Variants in NELFA observed in about 807,000 individuals in gnomAD.
NELFA encodes negative elongation factor A.
A neutral mutation model predicts 51.8 loss-of-function variants in NELFA; 35 were observed. The ratio of observed to expected loss-of-function variants is 0.68; its 90% confidence interval spans 0.52 to 0.90. NELFA has a LOEUF of 0.90. NELFA is among the 40% of genes least tolerant of loss of function. NELFA has a pLI of 0.00. For synonymous variants in NELFA, 417 were observed against 338.4 expected, an observed-to-expected ratio of 1.23 and a Z score of -2.55; for missense variants, 658 against 746.4, an observed-to-expected ratio of 0.88 and a Z score of 1.38.
chr4:2,006,446 T>C (rs1234406887), intron 1 of NELFA, among the ~76,000 whole-genome samples: 1 of 152,070 alleles, frequency 6.6e-6, no homozygotes, highest in East Asian at 1.9e-4. Flanking sequence ...ACCATCTATG[T>C]TAAAACTAGG....
At chr4:1,985,057 G>A (rs1344721921) in intron 7 of NELFA, 138 bp from the exon 8 acceptor site, 7 of 629,226 alleles carry the variant, frequency 1.1e-5, no homozygotes, top group Admixed American at 3.1e-5. Flanking sequence ...CCACTCTCCC[G>A]AGCTCCCTGG....
intron 8 of NELFA, 107 bp from the exon 9 acceptor site, chr4:1,984,220 CCT>C (rs1577609947): frequency 7.5e-7 from 1 of 1,331,946 alleles, no homozygotes; most frequent in East Asian, 2.6e-5. Flanking sequence ...GTCCTGCTAC[CCT>C]CTGACAAGAA....
In NELFA at chr4:2,000,845, A is replaced by G. The variant is rs867335832; in HGVS notation, c.210+7905T>C. Among the ~76,000 whole-genome samples, 27 of 152,352 alleles carry G rather than the reference A, an allele frequency of 1.8e-4. No individual in the cohort carries two copies. In the South Asian group the frequency reaches 3.9e-3, roughly 22 times the overall value. On this transcript the variant is annotated intron_variant, in intron 1 of 10. Coordinates refer to ENST00000382882, the MANE Select transcript of NELFA (RefSeq NM_005663.5). ...CAAAACTGGGAAGAGACAACAAAAA[A>G]GAAAACTTCAGGCCAACATCCCTGA...
At chr4:1,986,523 G>GGCGGGCA (rs756616777) in intron 4 of NELFA, 121 bp from the exon 5 acceptor site, 2 of 1,485,310 alleles carry the variant, frequency 1.3e-6, no homozygotes, top group Non-Finnish European at 1.8e-6. Flanking sequence ...CCAAACCCCT[G>GGCGGGCA]GCGGGCAGCG....
intron 1 of NELFA, among the ~76,000 whole-genome samples, chr4:1,995,209 T>C (rs899849401): frequency 2.0e-5 from 3 of 152,242 alleles, no homozygotes; most frequent in Non-Finnish European, 2.9e-5. Flanking sequence ...CTTCAGACTC[T>C]GGCTGAAACA....
intron 1 of NELFA, among the ~76,000 whole-genome samples, chr4:1,995,909 G>A (rs60227050): frequency 0.023 from 3,400 of 148,480 alleles, 126 homozygotes; most frequent in African/African-American, 0.08. Flanking sequence ...CAAGCTGCAC[G>A]TGCCTGTAGT....
chr4:1,983,281 A>AC lies in NELFA; in HGVS notation c.*37dup, dbSNP rs771213893. 8.2e-6 allele frequency: 13 copies of AC among 1,584,090 alleles called. No homozygotes were observed. In the Admixed American group the frequency reaches 1.2e-4, roughly 15 times the overall value. On this transcript the variant is annotated 3_prime_UTR_variant, in exon 11 of 11. Transcript: ENST00000382882. Reference sequence around the variant, plus strand: ...AGCTGGCAAAGCCATCGTCCCGTGGACCCCCACAAGTGACGGCCAGCTGTG... The same window carrying AC: ...AGCTGGCAAAGCCATCGTCCCGTGGACCCCCCACAAGTGACGGCCAGCTGTG...
chr4:1,988,763 ATCTT>A (rs1728187067), intron 3 of NELFA, among the ~76,000 whole-genome samples: 1 of 152,214 alleles, frequency 6.6e-6, no homozygotes, highest in South Asian at 2.1e-4. Flanking sequence ...ATGATTAAAT[ATCTT>A]TCAAGTGGAA....
At chr4:1,988,946 GT>G (rs35323893) in intron 3 of NELFA, among the ~76,000 whole-genome samples, 373 of 136,626 alleles carry the variant, frequency 2.7e-3, no homozygotes, top group Admixed American at 7.6e-3. Context: ...AAGTTGGTGG[GT>G]TTTTTTTTTT....
intron 5 of NELFA, 22 bp downstream of exon 5, chr4:1,986,250 A>T: frequency 6.4e-7 from 1 of 1,571,510 alleles, no homozygotes. Flanking sequence ...GGGGTGCCAC[A>T]GGAGCTGGGG....
chr4:2,002,584 C>A (rs1560884032), intron 1 of NELFA, among the ~76,000 whole-genome samples: 1 of 152,132 alleles, frequency 6.6e-6, no homozygotes, highest in Admixed American at 6.5e-5. Flanking sequence ...CACCACACAT[C>A]TACCAGCATC....
intron 7 of NELFA, among the ~76,000 whole-genome samples, chr4:1,985,572 G>A (rs369812418): frequency 6.6e-6 from 1 of 152,298 alleles, no homozygotes; most frequent in Non-Finnish European, 1.5e-5. Context: ...GCAGGTTCCC[G>A]CTCCAAGCCT....
chr4:1,988,126 T>C (rs1337414982), intron 3 of NELFA, 119 bp from the exon 4 acceptor site: 4 of 800,286 alleles, frequency 5.0e-6, no homozygotes, highest in Admixed American at 2.7e-5. Context: ...CTGCATTCTC[T>C]CTAAATGAGC....
chr4:1,995,959 G>A (rs924746136), intron 1 of NELFA, among the ~76,000 whole-genome samples: 17 of 151,340 alleles, frequency 1.1e-4, no homozygotes, highest in South Asian at 8.3e-4. Flanking sequence ...AGTCCAGCCC[G>A]GGCAACATAG....
At chr4:1,991,503 A>G (rs1210373424) in intron 2 of NELFA, 41 bp downstream of exon 2, 2 of 1,593,530 alleles carry the variant, frequency 1.3e-6, no homozygotes, top group Middle Eastern at 1.7e-4. Flanking sequence ...AGAAAGATCC[A>G]TTTCCCTCCA....
intron 1 of NELFA, chr4:2,008,089 G>A: frequency 2.2e-6 from 1 of 454,890 alleles, no homozygotes; most frequent in Non-Finnish European, 4.4e-6. Flanking sequence ...GCGGACACTG[G>A]AGCTACCGAG....
chr4:1,998,204 T>C (rs1322286964), intron 1 of NELFA, among the ~76,000 whole-genome samples: 2 of 151,392 alleles, frequency 1.3e-5, no homozygotes, highest in African/African-American at 4.9e-5. Flanking sequence ...AACGAAAAAA[T>C]GCTGAAAACC....
rs756547963 is a variant in NELFA at position 1,985,762 on chromosome 4, G to A, written c.924+14C>T. Reference sequence around the variant, plus strand: ...GCAGTGGTGCCAGACATGGGGTGCAGCCCCGAGCCCTACCTGCGTGGACAC... The same window carrying A: ...GCAGTGGTGCCAGACATGGGGTGCAACCCCGAGCCCTACCTGCGTGGACAC... On this transcript the variant is annotated intron_variant, in intron 7 of 10. Transcript: ENST00000382882. 7.4e-6 allele frequency: 12 copies of A among 1,610,772 alleles called. No homozygotes were observed. Among genetic ancestry groups the A allele is most frequent in the Admixed American group, 5.0e-5 (3 of 59,922 alleles).
rs1335000780 is a variant in NELFA at position 1,986,199 on chromosome 4, C to A, written c.766-16G>T. ...TGTCCAGCAGCTGCCAAGACAAGCA[C>A]AGCCCTGCCTTAGTGACGGCACCAG... On this transcript the variant is annotated splice_polypyrimidine_tract_variant and intron_variant, in intron 5 of 10. Transcript: ENST00000382882. The A allele has an allele frequency of 6.4e-7, 1 of 1,560,580 alleles. No individual in the cohort carries two copies. The highest frequency in any genetic ancestry group is 1.2e-5 in the South Asian group (1 of 84,776).
Sources: allele counts gnomAD v4.1 joint callset (sites outside exome capture counted in the v4.1 genomes callset), GRCh38; gene constraint gnomAD v4.1.1; transcripts MANE v1.5; gene names NCBI Gene and HGNC (gene_info 2026-07-23, HGNC 2026-07-21).